The following C2CD2 variants were observed in gnomAD, a reference collection of about 807,000 sequenced individuals.
The protein encoded by C2CD2 is C2 calcium dependent domain containing 2.
C2CD2 carries 43 observed loss-of-function variants against 74.3 expected under a neutral mutation model. The ratio of observed to expected loss-of-function variants is 0.58; its 90% confidence interval spans 0.45 to 0.75. The LOEUF (loss-of-function observed/expected upper bound fraction) is 0.75. Among genes scored for constraint, C2CD2 ranks in the 30% least tolerant of loss-of-function variants. C2CD2 has a pLI of 0.00. For missense variants in C2CD2, 801 were observed against 916.3 expected, an observed-to-expected ratio of 0.87 and a Z score of 1.63; for synonymous variants, 422 against 390.7, an observed-to-expected ratio of 1.08 and a Z score of -0.94.
chr21:41,923,474 T>C lies in C2CD2; in HGVS notation c.379-1389A>G, dbSNP rs1028814982. On this transcript the variant is annotated intron_variant, in intron 2 of 13. Transcript: ENST00000380486. This position sits in a 1 kb window ranked among gnomAD's most constrained non-coding sequence, Gnocchi z 5.8. ...TAGAAGTAAAAAAAGTTTTCTTAAA[T>C]TACCCAGAACACAATGGGTTGCTTC... Among the ~76,000 whole-genome samples, 1 of 152,210 alleles carries C rather than the reference T, an allele frequency of 6.6e-6. No homozygotes were observed. The highest frequency in any genetic ancestry group is 2.1e-4 in the South Asian group (1 of 4,830).
In C2CD2 at chr21:41,914,802, T is replaced by TG. The variant is rs564345338; in HGVS notation, c.721-82dup. ...GGAAGTAGCCACTGGACTCCTGTTA[T>TG]GGGGGGTGGTGGCAGTGGGGTGTCT... is the stretch of plus-strand genomic sequence containing the variant. On this transcript the variant is annotated intron_variant, in intron 5 of 13. Coordinates refer to ENST00000380486, the MANE Select transcript of C2CD2 (RefSeq NM_015500.2). 113 of 1,255,594 alleles carry TG rather than the reference T, an allele frequency of 9.0e-5. 1 individual carries two copies. In the African/African-American group the frequency reaches 1.5e-3, roughly 17 times the overall value. 77.8% of individuals were successfully genotyped at this position (1,255,594 alleles called of 1,614,324 possible).
At chr21:41,938,579 C>T (rs1232534875) in intron 2 of C2CD2, among the ~76,000 whole-genome samples, 2 of 152,100 alleles carry the variant, frequency 1.3e-5, no homozygotes, top group African/African-American at 4.8e-5. Flanking sequence ...GCACCTGGCA[C>T]GCACCATTCC....
At chr21:41,918,986 G>T in intron 3 of C2CD2, 26 bp from the exon 4 acceptor site, 1 of 1,540,774 alleles carries the variant, frequency 6.5e-7, no homozygotes, top group Non-Finnish European at 9.0e-7. Flanking sequence ...TTATTAGAGG[G>T]CCACTCTTTC....
intron 1 of C2CD2, among the ~76,000 whole-genome samples, chr21:41,944,288 G>A (rs991971083): frequency 6.6e-6 from 1 of 152,030 alleles, no homozygotes; most frequent in Non-Finnish European, 1.5e-5. Context: ...CGAGGCGGAC[G>A]GATCACGAGG....
At chr21:41,910,809 A>T (rs1601568580) in intron 7 of C2CD2, among the ~76,000 whole-genome samples, 1 of 152,192 alleles carries the variant, frequency 6.6e-6, no homozygotes, top group East Asian at 1.9e-4. Flanking sequence ...TTAAATGATT[A>T]TGTCTATTAG....
rs2064705236 is a variant in C2CD2 at position 41,888,122 on chromosome 21, TGTTA to T, written c.*998_*1001del. 1 of 152,678 alleles carries T rather than the reference TGTTA, an allele frequency of 6.5e-6. No individual in the cohort carries two copies. Among genetic ancestry groups the T allele is most frequent in the African/African-American group, 2.4e-5 (1 of 41,468 alleles). 9.5% of individuals were successfully genotyped at this position (152,678 alleles called of 1,614,324 possible). A position where few individuals can be genotyped will look rare whatever the true frequency, so the allele number is the denominator to read the frequency against. On this transcript the variant is annotated 3_prime_UTR_variant, in exon 14 of 14. Transcript: ENST00000380486. The stretch of plus-strand genomic sequence containing the variant: ...GAATGTCCTGCGAGTTTGGCCCATT[TGTTA>T]TTAAACTTCCATTCCTAAGACTGAC...
rs2146210489 is a variant in C2CD2 at position 41,929,120 on chromosome 21, A to C, written c.379-7035T>G. 1.3e-5 allele frequency among the ~76,000 whole-genome samples: 2 copies of C among 152,192 alleles called. No individual in the cohort carries two copies. The highest frequency in any genetic ancestry group is 6.8e-3 in the Middle Eastern group (2 of 294). On this transcript the variant is annotated intron_variant, in intron 2 of 13. Transcript: ENST00000380486. This position sits in a 1 kb window ranked among gnomAD's most constrained non-coding sequence, Gnocchi z 4.6. ...TAAAAAGTAAAAAAAAAAAAAAGTAATAAAAATGCAAAAAGATCACACTAA... is the reference window on the plus strand; with the variant it reads ...TAAAAAGTAAAAAAAAAAAAAAGTACTAAAAATGCAAAAAGATCACACTAA...
At chr21:41,952,672 G>C (rs117977669) in intron 1 of C2CD2, among the ~76,000 whole-genome samples, 1 of 152,264 alleles carries the variant, frequency 6.6e-6, no homozygotes, top group African/African-American at 2.4e-5. Context: ...GGTAAGACAC[G>C]AGGCCCTTAG....
At chr21:41,943,824 C>T (rs1157380594) in intron 1 of C2CD2, among the ~76,000 whole-genome samples, 1 of 152,170 alleles carries the variant, frequency 6.6e-6, no homozygotes, top group South Asian at 2.1e-4. Flanking sequence ...TATCTCATCC[C>T]CCAAAAATCA....
intron 2 of C2CD2, among the ~76,000 whole-genome samples, chr21:41,922,954 A>G (rs2065171310): frequency 6.6e-6 from 1 of 151,968 alleles, no homozygotes. Flanking sequence ...AGTCTTGACC[A>G]AATCTAGTTA....
intron 7 of C2CD2, 113 bp downstream of exon 7, chr21:41,912,219 C>G: frequency 1.6e-6 from 1 of 610,290 alleles, no homozygotes; most frequent in East Asian, 3.0e-5. Context: ...TTGTTGTTAA[C>G]TGTTTTGGTT....
Position 41,887,773 on chromosome 21 carries a change from T to C in C2CD2, c.*1351A>G, listed in dbSNP as rs1481626974. On this transcript the variant is annotated 3_prime_UTR_variant, in exon 14 of 14. Coordinates refer to ENST00000380486, the MANE Select transcript of C2CD2 (RefSeq NM_015500.2). ...GGAAGCTTGCCCATTTCCGTCTCCATGACAGAAGCCAAGCTTTCGTAACAG... is the reference window on the plus strand; with the variant it reads ...GGAAGCTTGCCCATTTCCGTCTCCACGACAGAAGCCAAGCTTTCGTAACAG... The C allele has an allele frequency of 6.6e-6, 1 of 152,226 alleles. No homozygotes were observed. Among genetic ancestry groups the C allele is most frequent in the Non-Finnish European group, 1.5e-5 (1 of 68,040 alleles). 9.4% of individuals were successfully genotyped at this position (152,226 alleles called of 1,614,324 possible).
chr21:41,917,108 T>G (rs1460817665), intron 5 of C2CD2, among the ~76,000 whole-genome samples: 1 of 152,206 alleles, frequency 6.6e-6, no homozygotes, highest in Non-Finnish European at 1.5e-5. Flanking sequence ...GCTGGCCCGG[T>G]GCCCCTTCTG....
intron 2 of C2CD2, among the ~76,000 whole-genome samples, chr21:41,928,987 T>C (rs534955871): frequency 8.8e-4 from 133 of 151,546 alleles, no homozygotes; most frequent in Non-Finnish European, 1.6e-3. Flanking sequence ...GATAATATCA[T>C]ACCTGTAATC....
chr21:41,898,944 GTT>G, intron 13 of C2CD2, 107 bp downstream of exon 13: 1 of 838,172 alleles, frequency 1.2e-6, no homozygotes, highest in Non-Finnish European at 2.0e-6. Context: ...CTGGGAGGGA[GTT>G]TGTAGGGGAC....
At chr21:41,925,167 G>T (rs1317687006) in intron 2 of C2CD2, among the ~76,000 whole-genome samples, 1 of 152,118 alleles carries the variant, frequency 6.6e-6, no homozygotes, top group Non-Finnish European at 1.5e-5. Context: ...CCTCCCCTCA[G>T]AATTTGGCTA....
At chr21:41,932,749 A>G (rs985399818) in intron 2 of C2CD2, among the ~76,000 whole-genome samples, 1 of 148,898 alleles carries the variant, frequency 6.7e-6, no homozygotes, top group African/African-American at 2.5e-5. Context: ...GTCCTGTGGG[A>G]TGACTCAAGC....
At position 41,899,165 on chromosome 21, in the gene C2CD2, C is replaced by G. The variant is rs1285998962; in HGVS notation, c.1758G>C (p.Lys586Asn). 1.9e-6 allele frequency: 3 copies of G among 1,613,308 alleles called. No homozygotes were observed. Among genetic ancestry groups the G allele is most frequent in the Admixed American group, 1.7e-5 (1 of 59,950 alleles). The change falls in exon 13 of 14, where the codon AAG (lysine) becomes AAC (asparagine). Residue 586 changes from lysine to asparagine, a missense_variant. Coordinates refer to ENST00000380486, the MANE Select transcript of C2CD2 (RefSeq NM_015500.2). The surrounding 1 kb of genome is among the most constrained non-coding windows in gnomAD (Gnocchi z 4.4). ...EDELDSWDLE[K>N]EPQAAAWSSQ... ...TGCTCCATGCCGCGGCCTGTGGCTCCTTCTCCAAGTCCCAGGAGTCTAGCT... is the reference window on the plus strand; with the variant it reads ...TGCTCCATGCCGCGGCCTGTGGCTCGTTCTCCAAGTCCCAGGAGTCTAGCT...
rs1225145419 is a variant in C2CD2, at chr21:41,899,680, C to G, written c.1561-318G>C. Among the ~76,000 whole-genome samples, 2 of 151,918 alleles carry G rather than the reference C, an allele frequency of 1.3e-5. No homozygotes were observed. Among genetic ancestry groups the G allele is most frequent in the Non-Finnish European group, 2.9e-5 (2 of 67,984 alleles). On this transcript the variant is annotated intron_variant, in intron 12 of 13. Coordinates refer to ENST00000380486, the MANE Select transcript of C2CD2 (RefSeq NM_015500.2). The surrounding 1 kb of genome is among the most constrained non-coding windows in gnomAD (Gnocchi z 4.4). Reference sequence around the variant, plus strand: ...TGTGGCAAGCTGCAGAAATGAGATGCGAGAGAGAGAGCCCGTCCTTCAGAG... The same window carrying G: ...TGTGGCAAGCTGCAGAAATGAGATGGGAGAGAGAGAGCCCGTCCTTCAGAG...
Sources: allele counts gnomAD v4.1 joint callset (sites outside exome capture counted in the v4.1 genomes callset), GRCh38; gene constraint gnomAD v4.1.1; non-coding constraint Gnocchi (gnomAD v3.1); transcripts MANE v1.5; gene names NCBI Gene and HGNC (gene_info 2026-07-23, HGNC 2026-07-21).